CFAP92: variants seen among roughly 807,000 people sequenced by gnomAD.
The protein encoded by CFAP92 is uncharacterized protein CFAP92.
In CFAP92, 86 loss-of-function variants were observed where a neutral mutation model predicts 106.3. The ratio of observed to expected loss-of-function variants is 0.81; its 90% confidence interval spans 0.68 to 0.97. The LOEUF (loss-of-function observed/expected upper bound fraction) is 0.97. Among genes scored for constraint, CFAP92 ranks in the 50% least tolerant of loss-of-function variants. CFAP92 has a pLI of 0.00. For synonymous variants in CFAP92, 477 were observed against 506.4 expected, an observed-to-expected ratio of 0.94 and a Z score of 0.78; for missense variants, 1,204 against 1,283.8, an observed-to-expected ratio of 0.94 and a Z score of 0.95.
At chr3:129,019,763 ACT>A in the CFAP92 span, among the ~76,000 whole-genome samples, 16 of 113,008 alleles carry the variant, frequency 1.4e-4, no homozygotes, top group Admixed American at 1.2e-3. Flanking sequence ...GATTAAATTT[ACT>A]TTTTTTTTTT....
At chr3:129,002,897 TG>T (rs2107849139), upstream of CFAP92, among the ~76,000 whole-genome samples, 1 of 152,264 alleles carries the variant, frequency 6.6e-6, no homozygotes, top group Admixed American at 6.5e-5. Flanking sequence ...GGCCACCAAG[TG>T]CCTGCGGGAA....
the CFAP92 span, among the ~76,000 whole-genome samples, chr3:129,018,872 C>G: frequency 2.0e-5 from 3 of 152,080 alleles, no homozygotes; most frequent in Non-Finnish European, 4.4e-5. Context: ...CCCCACTCGG[C>G]GCTGGAGTTC....
chr3:128,937,312 CAAAAA>C (rs34884891), intron 10 of CFAP92, among the ~76,000 whole-genome samples: 3 of 85,272 alleles, frequency 3.5e-5, no homozygotes, highest in African/African-American at 4.7e-5. Context: ...GACCCTGTCT[CAAAAA>C]AAAAAAAAAA....
chr3:128,965,598 C>A lies in CFAP92; in HGVS notation c.1266G>T (p.Glu422Asp). 1 of 398,956 alleles carries A rather than the reference C, an allele frequency of 2.5e-6. No homozygotes were observed. Among genetic ancestry groups the A allele is most frequent in the Non-Finnish European group, 4.4e-6 (1 of 226,052 alleles). 24.7% of individuals were successfully genotyped at this position (398,956 alleles called of 1,614,324 possible). ...TCAGGGGATTTAAATCCTGCTTTTG[C>A]TCCTCGGTCATGATCGGAACTTCTG... ...LKTEVPIMTEEQKQDLNPLTI... is the reference protein window; with the variant it reads ...LKTEVPIMTEDQKQDLNPLTI... Residue 422 changes from glutamate (E) to aspartate (D), a missense_variant, in exon 9 of 16, where the codon GAG becomes GAT. Transcript: ENST00000645291.
In CFAP92 at chr3:128,976,987, G is replaced by A; in HGVS notation, c.888C>T (p.Ser296=). The change falls in exon 6 of 16, where the codon TCC becomes TCT. Residue 296 remains serine (S), a synonymous_variant. Transcript: ENST00000645291. Reference sequence around the variant, plus strand: ...TATCGTTCAATCCTTACTGAATCGTGGAAGAATCGTCCATTTTGAGGGACT... The same window carrying A: ...TATCGTTCAATCCTTACTGAATCGTAGAAGAATCGTCCATTTTGAGGGACT... ...YEKSLKMDDS[S]TIQWSVSRTP... is the part of the protein sequence containing the mutation. 6.2e-7 allele frequency: 1 copy of A among 1,613,350 alleles called. No homozygotes were observed. The highest frequency in any genetic ancestry group is 1.1e-5 in the South Asian group (1 of 91,064).
intron 12 of CFAP92, among the ~76,000 whole-genome samples, chr3:128,932,054 A>G (rs1173580940): frequency 6.6e-6 from 1 of 152,140 alleles, no homozygotes; most frequent in Admixed American, 6.6e-5. Context: ...TGGTTTTCAT[A>G]AAGACTGCAC....
intron 2 of CFAP92, chr3:128,992,035 A>G (rs988638814): frequency 9.0e-6 from 2 of 221,806 alleles, no homozygotes; most frequent in Non-Finnish European, 1.5e-5. Flanking sequence ...TTCTAGAACA[A>G]GAAGGGGTCT....
upstream of CFAP92, among the ~76,000 whole-genome samples, chr3:129,004,649 G>T (rs1269738790): frequency 4.0e-5 from 6 of 151,874 alleles, no homozygotes; most frequent in Non-Finnish European, 8.8e-5. Flanking sequence ...TCCTGGATTC[G>T]ATCATAATGA....
At chr3:128,932,046 G>A (rs1388400705) in intron 12 of CFAP92, among the ~76,000 whole-genome samples, 1 of 152,114 alleles carries the variant, frequency 6.6e-6, no homozygotes, top group African/African-American at 2.4e-5. Flanking sequence ...CTGTTCTTTG[G>A]TTTTCATAAA....
At chr3:128,993,868 C>G in intron 1 of CFAP92, 112 bp downstream of exon 1, 24 of 831,132 alleles carry the variant, frequency 2.9e-5, no homozygotes, top group Non-Finnish European at 3.3e-5. Context: ...GGCGGAACGC[C>G]GGGCAAACGC....
intron 4 of CFAP92, among the ~76,000 whole-genome samples, chr3:128,979,517 T>C (rs1943378521): frequency 6.6e-6 from 1 of 152,164 alleles, no homozygotes; most frequent in African/African-American, 2.4e-5. Context: ...TGCAGCACTA[T>C]TCACAATAGC....
Position 128,915,189 on chromosome 3 carries a change from G to A in CFAP92, c.3210C>T (p.Asp1070=), listed in dbSNP as rs1227688061. ...DRWSWDRHHV[D]FDLYKKPPPF... ...GTGGTGGTTTCTTGTACAGATCAAA[G>A]TCCACGTGGTGCCTGTCCCAGCTCC... is the stretch of plus-strand genomic sequence containing the variant. Residue 1070 remains aspartate (D), a synonymous_variant, in exon 15 of 16, where the codon GAC becomes GAT. Coordinates refer to ENST00000645291, the MANE Select transcript of CFAP92 (RefSeq NM_001394090.1). The A allele has an allele frequency of 6.5e-7, 1 of 1,536,146 alleles. No individual in the cohort carries two copies.
chr3:128,994,539 C>T (rs1944407171), upstream of CFAP92, among the ~76,000 whole-genome samples: 1 of 152,102 alleles, frequency 6.6e-6, no homozygotes, highest in African/African-American at 2.4e-5. Context: ...ATTAGATTCT[C>T]TGCTTCTGTC....
intron 12 of CFAP92, among the ~76,000 whole-genome samples, chr3:128,919,009 G>A (rs115622231): frequency 0.018 from 2,618 of 146,304 alleles, 83 homozygotes; most frequent in African/African-American, 0.063. Flanking sequence ...GTGGAATGGC[G>A]CGATCTTGGC....
intron 1 of CFAP92, chr3:129,001,543 T>G: frequency 1.5e-6 from 2 of 1,341,374 alleles, no homozygotes; most frequent in African/African-American, 1.5e-5. Context: ...AGCCCCTCCT[T>G]TCGAGAAACT....
chr3:128,920,677 T>C (rs888360820), intron 12 of CFAP92, among the ~76,000 whole-genome samples: 3 of 152,080 alleles, frequency 2.0e-5, no homozygotes, highest in Non-Finnish European at 4.4e-5. Context: ...CTAAAACCCC[T>C]TGTGGCCTTT....
At chr3:128,991,587 CG>C (rs1944220269) in intron 2 of CFAP92, 1 of 165,974 alleles carries the variant, frequency 6.0e-6, no homozygotes. Context: ...CCGGGTACAG[CG>C]TAGCAGTTAC....
At chr3:128,988,620 A>G in intron 3 of CFAP92, 108 bp downstream of exon 3, 1 of 1,173,440 alleles carries the variant, frequency 8.5e-7, no homozygotes, top group Non-Finnish European at 1.2e-6. Flanking sequence ...GGGATCCTCC[A>G]ATTCTAGCAA....
intron 12 of CFAP92, among the ~76,000 whole-genome samples, chr3:128,922,722 G>C (rs536083821): frequency 1.3e-5 from 2 of 152,176 alleles, no homozygotes; most frequent in Non-Finnish European, 2.9e-5. Context: ...ACCATGTCAC[G>C]GGCCAGATGG....
Sources: gnomAD v4.1 joint callset for allele counts (sites outside exome capture counted in the v4.1 genomes callset) on GRCh38, gnomAD v4.1.1 for gene constraint, MANE v1.5 for transcripts, NCBI Gene and HGNC (gene_info 2026-07-23, HGNC 2026-07-21) for gene names.